OCA2: variants seen among roughly 807,000 people sequenced by gnomAD.
OCA2 encodes the protein OCA2 melanosomal transmembrane protein, also known as P protein.
Under a neutral mutation model 100.2 loss-of-function variants are expected in OCA2, and 77 were observed. The observed-to-expected ratio is 0.77, with a 90% CI of 0.64 to 0.93. The LOEUF is 0.93. Among genes scored for constraint, OCA2 ranks in the 40% least tolerant of loss-of-function variants. The pLI, the probability that OCA2 is intolerant of heterozygous loss-of-function variation, is 0.00. For synonymous variants in OCA2, 432 were observed against 439.2 expected (o/e 0.98, Z 0.21); for missense variants, 1,062 against 1,089.1 (o/e 0.98, Z 0.35).
intron 23 of OCA2, among the ~76,000 whole-genome samples, chr15:27,773,634 A>G (rs1281972693): frequency 1.3e-5 from 2 of 152,242 alleles, no homozygotes; most frequent in Non-Finnish European, 2.9e-5. Context: ...GAGCATTATT[A>G]TTACTGCTTA....
chr15:27,951,370 C>T (rs1487453712), intron 18 of OCA2, among the ~76,000 whole-genome samples: 1 of 152,184 alleles, frequency 6.6e-6, no homozygotes, highest in African/African-American at 2.4e-5. Context: ...AGGGCTCTCC[C>T]GAACAGACTG....
At chr15:28,001,714 G>C (rs1566782104) in intron 9 of OCA2, among the ~76,000 whole-genome samples, 1 of 152,200 alleles carries the variant, frequency 6.6e-6, no homozygotes, top group African/African-American at 2.4e-5. Flanking sequence ...AGGCACCCAA[G>C]CCACAGGACA....
rs374010910 is a variant in OCA2, at chr15:27,767,522, A to G, written c.2433-12050T>C. Among the ~76,000 whole-genome samples the G allele has an allele frequency of 2.4e-4, 37 of 152,248 alleles. 2 individuals are homozygous for G. Among genetic ancestry groups the G allele is most frequent in the South Asian group, 2.1e-3 (10 of 4,820 alleles). On this transcript the variant is annotated intron_variant, in intron 23 of 23. Coordinates refer to ENST00000354638, the MANE Select transcript of OCA2 (RefSeq NM_000275.3). ...ACCAGTCAGCACTGGGTGTCTAGCT[A>G]AAGGATTGTAAATGCACCAATCAGC... is the stretch of plus-strand genomic sequence containing the variant.
chr15:27,769,345 C>T (rs915792285), intron 23 of OCA2, among the ~76,000 whole-genome samples: 1 of 152,232 alleles, frequency 6.6e-6, no homozygotes, highest in African/African-American at 2.4e-5. Flanking sequence ...CCTGTGCTGA[C>T]ACACAGTTCT....
intron 16 of OCA2, 24 bp from the exon 17 acceptor site, chr15:27,955,239 A>G: frequency 4.5e-6 from 7 of 1,562,778 alleles, no homozygotes; most frequent in Non-Finnish European, 6.2e-6. Context: ...GAAGAGACTC[A>G]TTACTTCCCT....
intron 15 of OCA2, among the ~76,000 whole-genome samples, chr15:27,958,252 G>A (rs1193722541): frequency 6.6e-6 from 1 of 152,206 alleles, no homozygotes; most frequent in East Asian, 1.9e-4. Context: ...CACTTTCAGT[G>A]AAGAATAAAT....
the OCA2 span, among the ~76,000 whole-genome samples, chr15:27,719,334 A>G: frequency 2.0e-5 from 3 of 152,090 alleles, no homozygotes; most frequent in Non-Finnish European, 4.4e-5. Context: ...TCTTCCTAAA[A>G]GGACACCAGT....
chr15:27,798,013 C>T (rs2033421602), intron 23 of OCA2, among the ~76,000 whole-genome samples: 1 of 152,244 alleles, frequency 6.6e-6, no homozygotes, highest in Non-Finnish European at 1.5e-5. Context: ...ATGTGAGCAG[C>T]AGGTGTGCAG....
chr15:28,060,084 C>T (rs1323204068), intron 2 of OCA2, among the ~76,000 whole-genome samples: 2 of 152,364 alleles, frequency 1.3e-5, no homozygotes, highest in African/African-American at 2.4e-5. Context: ...GGAGCTCCCA[C>T]CCCTGGTGCC....
In OCA2 at chr15:27,908,874, A is replaced by C. The variant is rs552755435; in HGVS notation, c.2079+17253T>G. 8.5e-5 allele frequency among the ~76,000 whole-genome samples: 13 copies of C among 152,336 alleles called. No individual in the cohort carries two copies. In the South Asian group the frequency reaches 2.7e-3, roughly 32 times the overall value. The stretch of plus-strand genomic sequence containing the variant: ...TTAGCATAAATCAAATTGTTTGCAT[A>C]AACAGTCTAGGCACAGTAAACTGTC... On this transcript the variant is annotated intron_variant, in intron 19 of 23. Transcript: ENST00000354638.
intron 23 of OCA2, among the ~76,000 whole-genome samples, chr15:27,792,846 G>C (rs1795156585): frequency 6.6e-6 from 1 of 152,206 alleles, no homozygotes; most frequent in African/African-American, 2.4e-5. Flanking sequence ...TCTGCACTGA[G>C]GACCATAAGT....
chr15:27,952,584 G>A (rs902584113), intron 17 of OCA2, among the ~76,000 whole-genome samples: 12 of 152,232 alleles, frequency 7.9e-5, no homozygotes, highest in Admixed American at 2.6e-4. Context: ...CAAGGTCCCC[G>A]TGTGAATGCC....
chr15:27,934,431 A>G (rs1018950042), intron 18 of OCA2, among the ~76,000 whole-genome samples: 1 of 152,200 alleles, frequency 6.6e-6, no homozygotes, highest in African/African-American at 2.4e-5. Flanking sequence ...TGATCATCAC[A>G]TCTGATGGTG....
chr15:27,995,971 C>A (rs968809255), intron 9 of OCA2, among the ~76,000 whole-genome samples: 2 of 151,978 alleles, frequency 1.3e-5, no homozygotes, highest in Non-Finnish European at 2.9e-5. Context: ...CACCACCATG[C>A]CTGACTAATT....
chr15:28,070,311 G>C (rs1263166796), intron 2 of OCA2, among the ~76,000 whole-genome samples: 3 of 127,164 alleles, frequency 2.4e-5, no homozygotes, highest in South Asian at 5.5e-4. Flanking sequence ...GGAGGGAGGT[G>C]GGGGGGGGTC....
intron 19 of OCA2, among the ~76,000 whole-genome samples, chr15:27,875,103 A>G (rs2151515164): frequency 6.6e-6 from 1 of 152,312 alleles, no homozygotes; most frequent in Non-Finnish European, 1.5e-5. Flanking sequence ...TGGGAAAGAG[A>G]GTCACCAAAA....
At chr15:27,847,472 G>A (rs1173736729) in intron 22 of OCA2, among the ~76,000 whole-genome samples, 1 of 152,176 alleles carries the variant, frequency 6.6e-6, no homozygotes, top group Non-Finnish European at 1.5e-5. Flanking sequence ...GGCCCCTCCT[G>A]TCTTATTGGT....
At chr15:27,809,710 A>G (rs2033998833) in intron 23 of OCA2, among the ~76,000 whole-genome samples, 1 of 152,242 alleles carries the variant, frequency 6.6e-6, no homozygotes, top group South Asian at 2.1e-4. Context: ...AGTAGCTGCT[A>G]TACACCAATA....
chr15:27,812,354 C>CAGGG (rs2034112601), intron 23 of OCA2, among the ~76,000 whole-genome samples: 1 of 152,144 alleles, frequency 6.6e-6, no homozygotes, highest in Non-Finnish European at 1.5e-5. Flanking sequence ...GTCAGGAGCA[C>CAGGG]AGGGAGGGGA....
Sources: gnomAD v4.1 joint callset for allele counts (sites outside exome capture counted in the v4.1 genomes callset) on GRCh38, gnomAD v4.1.1 for gene constraint, MANE v1.5 for transcripts, NCBI Gene and HGNC (gene_info 2026-07-23, HGNC 2026-07-21) for gene names.